DNAH2: variants seen among roughly 807,000 people sequenced by gnomAD.
DNAH2 encodes the protein axonemal beta dynein heavy chain 2.
In DNAH2, 323 loss-of-function variants were observed where a neutral mutation model predicts 523.5. The ratio of observed to expected loss-of-function variants is 0.62; its 90% confidence interval spans 0.56 to 0.68. The LOEUF (loss-of-function observed/expected upper bound fraction) is 0.68. Among genes scored for constraint, DNAH2 ranks in the 30% least tolerant of loss-of-function variants. The probability of loss-of-function intolerance (pLI) is 0.00; values close to 1 mark genes in which losing one functional copy is unlikely to be tolerated. For missense variants in DNAH2, 4,907 were observed against 5,701.5 expected, an observed-to-expected ratio of 0.86 and a Z score of 4.49; for synonymous variants, 2,093 against 2,177.4, an observed-to-expected ratio of 0.96 and a Z score of 1.08.
At chr17:7,749,867 TGGCTGTAATCCTAGCTACTCAGGA>T (rs997058355) in intron 12 of DNAH2, among the ~76,000 whole-genome samples, 2 of 151,750 alleles carry the variant, frequency 1.3e-5, no homozygotes, top group African/African-American at 4.8e-5. Flanking sequence ...TGGTGGCGGG[TGGCTGTAATCCTAGCTACTCAGGA>T]GGCTGAGGCA....
rs2075092071 is a variant in DNAH2 at position 7,734,691 on chromosome 17, C to T, written c.961C>T (p.Leu321=). The part of the protein sequence containing the change: ...KSSYLAPFMK[L]AQQIQDGSRQ... ...GTCCTACTTGGCGCCCTTTATGAAA[C>T]TGGCACAGCAGATCCAGGTTTGTGA... is the stretch of plus-strand genomic sequence containing the variant. The change falls in exon 7 of 86, where the codon CTG becomes TTG. Residue 321 remains leucine (L), a synonymous_variant. Transcript: ENST00000572933. 1.9e-6 allele frequency: 3 copies of T among 1,612,398 alleles called. No individual in the cohort carries two copies. In the Admixed American group the frequency reaches 5.0e-5, roughly 27 times the overall value.
intron 35 of DNAH2, among the ~76,000 whole-genome samples, chr17:7,778,795 C>T (rs1162399820): frequency 6.6e-6 from 1 of 152,132 alleles, no homozygotes; most frequent in Non-Finnish European, 1.5e-5. Context: ...TCTCGAACTC[C>T]TGACCTTAGG....
chr17:7,733,124 C>T lies in DNAH2; in HGVS notation c.437C>T (p.Pro146Leu), dbSNP rs1337769053. 2 of 1,614,210 alleles carry T rather than the reference C, an allele frequency of 1.2e-6. No homozygotes were observed. The highest frequency in any genetic ancestry group is 1.7e-6 in the Non-Finnish European group (2 of 1,180,048). The change falls in exon 5 of 86, where the codon CCA becomes CTA. Residue 146 changes from proline to leucine, a missense_variant. By Grantham distance (98) the Pro-to-Leu change is moderately conservative. Coordinates refer to ENST00000572933, the MANE Select transcript of DNAH2 (RefSeq NM_020877.5). The part of the protein sequence containing the change: ...NQLVYFIRQA[P>L]VPITWENFEA... ...CTTGTCTACTTCATTCGCCAAGCAC[C>T]AGTTCCCATCACCTGGGAGAACTTC...
In DNAH2 at chr17:7,793,145, C is replaced by T. The variant is rs1468931711; in HGVS notation, c.7509C>T (p.Arg2503=). 6.2e-7 allele frequency: 1 copy of T among 1,614,220 alleles called. No individual in the cohort carries two copies. The highest frequency in any genetic ancestry group is 1.1e-5 in the South Asian group (1 of 91,090). ...CCCAGCCACCCCTGGAGCTGATCCG[C>T]CTCTGGATTGACTATGGCTTCTGGT... ...FGSQPPLELI[R]LWIDYGFWYD... Residue 2503 remains arginine (R), a synonymous_variant, in exon 48 of 86, where the codon CGC becomes CGT. Transcript: ENST00000572933.
At chr17:7,770,458 A>G (rs768088138) in intron 25 of DNAH2, 50 bp downstream of exon 25, 1 of 1,611,976 alleles carries the variant, frequency 6.2e-7, no homozygotes, top group Non-Finnish European at 8.5e-7. Flanking sequence ...CTCCTGGAGC[A>G]CAGGCTCCAG....
intron 77 of DNAH2, among the ~76,000 whole-genome samples, chr17:7,826,578 C>G (rs1368756434): frequency 8.0e-6 from 1 of 125,468 alleles, no homozygotes; most frequent in Non-Finnish European, 1.6e-5. Context: ...CTCACTCTGT[C>G]GCCCAGGCTG....
At chr17:7,813,508 G>A (rs1260312561) in intron 63 of DNAH2, among the ~76,000 whole-genome samples, 1 of 152,240 alleles carries the variant, frequency 6.6e-6, no homozygotes. Context: ...AGAGTATTTT[G>A]CAGCTACTAA....
At chr17:7,791,669 T>G (rs974515334) in intron 44 of DNAH2, among the ~76,000 whole-genome samples, 1 of 152,168 alleles carries the variant, frequency 6.6e-6, no homozygotes, top group Non-Finnish European at 1.5e-5. Flanking sequence ...GGCCAGATGA[T>G]GGCTGCATCT....
In DNAH2 at chr17:7,821,788, G is replaced by A. The variant is rs1418191572; in HGVS notation, c.11142+419G>A. ...CTCCTCTTCCCCTCTGTCCCTGCGC[G>A]GCCAGTGCACTGAGCATGGCCGGAG... On this transcript the variant is annotated intron_variant, in intron 73 of 85. Transcript: ENST00000572933. The surrounding 1 kb of genome is among the most constrained non-coding windows in gnomAD (Gnocchi z 5.0). Among the ~76,000 whole-genome samples the A allele has an allele frequency of 6.6e-6, 1 of 152,012 alleles. No individual in the cohort carries two copies. The highest frequency in any genetic ancestry group is 1.5e-5 in the Non-Finnish European group (1 of 68,004).
At chr17:7,721,109 A>G (rs1423729246) in intron 2 of DNAH2, among the ~76,000 whole-genome samples, 1 of 151,032 alleles carries the variant, frequency 6.6e-6, no homozygotes, top group African/African-American at 2.4e-5. Context: ...CCCGGGCTCA[A>G]GTGATTCTTG....
At chr17:7,815,820 T>A (rs1336057218) in intron 63 of DNAH2, among the ~76,000 whole-genome samples, 2 of 152,084 alleles carry the variant, frequency 1.3e-5, no homozygotes, top group Non-Finnish European at 2.9e-5. Flanking sequence ...TTTCAGTGAA[T>A]ATATATATAT....
At position 7,780,958 on chromosome 17, in the gene DNAH2, T is replaced by G. The variant is rs547039225; in HGVS notation, c.6004-84T>G. Reference sequence around the variant, plus strand: ...TGGCTAACTGGTGTATCCATTGTTCTTGGCACGTGCCCCGAAGCCCTTTGG... The same window carrying G: ...TGGCTAACTGGTGTATCCATTGTTCGTGGCACGTGCCCCGAAGCCCTTTGG... On this transcript the variant is annotated intron_variant, in intron 38 of 85. Transcript: ENST00000572933. This position sits in a 1 kb window ranked among gnomAD's most constrained non-coding sequence, Gnocchi z 4.4. The G allele has an allele frequency of 3.1e-6, 5 of 1,605,064 alleles. No homozygotes were observed. In the East Asian group the frequency reaches 1.1e-4, roughly 36 times the overall value.
rs1170400042 is a variant in DNAH2 at position 7,799,156 on chromosome 17, G to A, written c.8613G>A (p.Ser2871=). 1.3e-5 allele frequency: 21 copies of A among 1,614,060 alleles called. No individual in the cohort carries two copies. The highest frequency in any genetic ancestry group is 2.7e-5 in the African/African-American group (2 of 74,932). ...GGGTGGAGCAGGTGCCTGAGTCATC[G>A]GACAGCCTCTTCGCCTACCTCATTG... is the stretch of plus-strand genomic sequence containing the variant. ...QARVEQVPES[S]DSLFAYLIER... Residue 2871 remains serine (S), a synonymous_variant, in exon 56 of 86, where the codon TCG becomes TCA. Transcript: ENST00000572933.
chr17:7,817,948 C>T lies in DNAH2; in HGVS notation c.10239C>T (p.Gly3413=). The T allele has an allele frequency of 6.2e-7, 1 of 1,614,074 alleles. No homozygotes were observed. Among genetic ancestry groups the T allele is most frequent in the South Asian group, 1.1e-5 (1 of 91,078 alleles). ...KWIKNMEGGQ[G]LKIIDLQMSD... ...TCACCTTCCCCCTTGCTCTCTAGGG[C>T]CTGAAGATCATCGACCTGCAGATGA... The change falls in exon 68 of 86, where the codon GGC becomes GGT. Residue 3413 remains glycine (G), a splice_region_variant and synonymous_variant. Coordinates refer to ENST00000572933, the MANE Select transcript of DNAH2 (RefSeq NM_020877.5).
rs1332084472 is a variant in DNAH2 at position 7,832,352 on chromosome 17, A to T, written c.12727-227A>T. 6.6e-6 allele frequency among the ~76,000 whole-genome samples: 1 copy of T among 152,170 alleles called. No individual in the cohort carries two copies. Among genetic ancestry groups the T allele is most frequent in the Admixed American group, 6.5e-5 (1 of 15,282 alleles). ...GTGAAACCCCGTCTCTACTAAAAAA[A>T]TACAAAAATTAGCCGGGCGTGATGG... On this transcript the variant is annotated intron_variant, in intron 82 of 85. Transcript: ENST00000572933. The surrounding 1 kb of genome is among the most constrained non-coding windows in gnomAD (Gnocchi z 4.3).
At chr17:7,794,439 C>T in intron 49 of DNAH2, 81 bp downstream of exon 49, 4 of 1,305,278 alleles carry the variant, frequency 3.1e-6, no homozygotes, top group Non-Finnish European at 4.2e-6. Flanking sequence ...GGGGCCAGAT[C>T]CCAGGGGGCT....
Position 7,740,899 on chromosome 17 carries a change from G to A in DNAH2, c.1596G>A (p.Lys532=), listed in dbSNP as rs1324535942. ...CCCTGGTGAACCGTGAACGGAACAAGAAATGGCCAGACCTGGAGCCCTACG... is the reference window on the plus strand; with the variant it reads ...CCCTGGTGAACCGTGAACGGAACAAAAAATGGCCAGACCTGGAGCCCTACG... The part of the protein sequence containing the change: ...ELALVNRERN[K]KWPDLEPYVA... Residue 532 remains lysine (K), a synonymous_variant, in exon 11 of 86, where the codon AAG becomes AAA. Coordinates refer to ENST00000572933, the MANE Select transcript of DNAH2 (RefSeq NM_020877.5). The A allele has an allele frequency of 6.2e-7, 1 of 1,613,990 alleles. No homozygotes were observed. The highest frequency in any genetic ancestry group is 8.5e-7 in the Non-Finnish European group (1 of 1,179,952).
chr17:7,810,985 G>A (rs953648428), intron 63 of DNAH2, among the ~76,000 whole-genome samples: 1 of 152,200 alleles, frequency 6.6e-6, no homozygotes, highest in African/African-American at 2.4e-5. Context: ...GGCGTAGATA[G>A]GGCCCCAGAA....
chr17:7,774,855 G>A lies in DNAH2; in HGVS notation c.4598G>A (p.Arg1533His), dbSNP rs1289169227. 4 of 1,614,040 alleles carry A rather than the reference G, an allele frequency of 2.5e-6. No individual in the cohort carries two copies. Among genetic ancestry groups the A allele is most frequent in the Admixed American group, 1.7e-5 (1 of 60,000 alleles). Residue 1533 changes from arginine to histidine, a missense_variant, in exon 29 of 86, where the codon CGC becomes CAC. Coordinates refer to ENST00000572933, the MANE Select transcript of DNAH2 (RefSeq NM_020877.5). ...GAGACCAAGCGACATATTTTCCCCC[G>A]CTTCTACTTCTTGTCCAATGATGAC... is the stretch of plus-strand genomic sequence containing the variant. ...YLETKRHIFPRFYFLSNDDLL... is the reference protein window; with the variant it reads ...YLETKRHIFPHFYFLSNDDLL...
Sources: allele counts gnomAD v4.1 joint callset (sites outside exome capture counted in the v4.1 genomes callset), GRCh38; gene constraint gnomAD v4.1.1; non-coding constraint Gnocchi (gnomAD v3.1); transcripts MANE v1.5; gene names NCBI Gene and HGNC (gene_info 2026-07-23, HGNC 2026-07-21).